GALNT18: variants seen among roughly 807,000 people sequenced by gnomAD.
GALNT18 encodes GalNAc-transferase 18.
In GALNT18, 44 loss-of-function variants were observed where a neutral mutation model predicts 69.5. The ratio of observed to expected loss-of-function variants is 0.63; its 90% CI spans 0.50 to 0.81. GALNT18 has a LOEUF of 0.81. Ranked by LOEUF, GALNT18 falls within the 40% of genes least tolerant of loss-of-function variation. The pLI is 0.00. For synonymous variants in GALNT18, 364 were observed against 318.2 expected (o/e 1.14, Z -1.53); for missense variants, 715 against 810.0 (o/e 0.88, Z 1.42).
At position 11,332,612 on chromosome 11, in the gene GALNT18, G is replaced by T. The variant is rs1850035795; in HGVS notation, c.1416+82C>A. ...AGTTCTTCATGTGAGCAGCTGAGAG[G>T]CTCTTTCCCTCCTCTCCCTTTCTTC... On this transcript the variant is annotated intron_variant, in intron 8 of 10. Transcript: ENST00000227756. The surrounding 1 kb of genome is among the most constrained non-coding windows in gnomAD (Gnocchi z 4.3). 2.6e-6 allele frequency: 4 copies of T among 1,511,030 alleles called. No homozygotes were observed. The highest frequency in any genetic ancestry group is 3.6e-6 in the Non-Finnish European group (4 of 1,095,970). The allele number at this position is 1,511,030 out of a possible 1,614,324, so 93.6% of individuals were successfully genotyped here. A position where few individuals can be genotyped will look rare whatever the true frequency, so the allele number is the denominator to read the frequency against.
intron 9 of GALNT18, among the ~76,000 whole-genome samples, chr11:11,319,972 T>C (rs1245787041): frequency 3.3e-5 from 5 of 152,148 alleles, no homozygotes; most frequent in Admixed American, 6.5e-5. Context: ...TATTTAATCC[T>C]TATAACAACT....
Position 11,271,000 on chromosome 11 carries a change from A to G in GALNT18, c.*144T>C. On this transcript the variant is annotated 3_prime_UTR_variant, in exon 11 of 11. Coordinates refer to ENST00000227756, the MANE Select transcript of GALNT18 (RefSeq NM_198516.3). The stretch of plus-strand genomic sequence containing the variant: ...CAGCATCTTTCTATAAACTCCATGA[A>G]AATTGAATAGGAAATAAAAAGCTCT... The G allele has an allele frequency of 1.6e-6, 1 of 633,086 alleles. No individual in the cohort carries two copies. Among genetic ancestry groups the G allele is most frequent in the South Asian group, 2.8e-5 (1 of 35,654 alleles). 39.2% of individuals were successfully genotyped at this position (633,086 alleles called of 1,614,324 possible).
rs1292932973 is a variant in GALNT18 at position 11,309,003 on chromosome 11, C to T, written c.1513-15810G>A. Reference sequence around the variant, plus strand: ...TCACCTTGCTGTGGTTTGACTGTGTCCCCCAAAGTTCATGTGTTGAAAACT... The same window carrying T: ...TCACCTTGCTGTGGTTTGACTGTGTTCCCCAAAGTTCATGTGTTGAAAACT... On this transcript the variant is annotated intron_variant, in intron 9 of 10. Transcript: ENST00000227756. The surrounding 1 kb of genome is among the most constrained non-coding windows in gnomAD (Gnocchi z 4.6). 6.6e-6 allele frequency among the ~76,000 whole-genome samples: 1 copy of T among 152,154 alleles called. No individual in the cohort carries two copies. Among genetic ancestry groups the T allele is most frequent in the East Asian group, 1.9e-4 (1 of 5,188 alleles).
At chr11:11,611,199 T>C (rs12269844) in intron 1 of GALNT18, among the ~76,000 whole-genome samples, 17,332 of 152,264 alleles carry the variant, frequency 0.11, 1,301 homozygotes, top group African/African-American at 0.22. Flanking sequence ...GTTATTAATA[T>C]GGACTCCTAC....
At chr11:11,277,287 G>GT (rs983753250) in intron 10 of GALNT18, among the ~76,000 whole-genome samples, 7 of 152,228 alleles carry the variant, frequency 4.6e-5, no homozygotes, top group African/African-American at 9.6e-5. Flanking sequence ...AGATTTTCTA[G>GT]TTTTTTTGTG....
At chr11:11,498,628 A>G (rs1299816952) in intron 1 of GALNT18, among the ~76,000 whole-genome samples, 1 of 152,300 alleles carries the variant, frequency 6.6e-6, no homozygotes, top group African/African-American at 2.4e-5. Context: ...GTGAAACCTC[A>G]TCTCTACTAA....
intron 9 of GALNT18, among the ~76,000 whole-genome samples, chr11:11,296,316 C>T (rs1461334658): frequency 6.6e-6 from 1 of 152,190 alleles, no homozygotes; most frequent in Non-Finnish European, 1.5e-5. Context: ...CCCACCATAT[C>T]CAGAAAGACT....
At chr11:11,279,878 G>A (rs972254174) in intron 10 of GALNT18, among the ~76,000 whole-genome samples, 1 of 151,736 alleles carries the variant, frequency 6.6e-6, no homozygotes, top group Non-Finnish European at 1.5e-5. Flanking sequence ...ACATGTTTCT[G>A]TATGTATCCA....
Position 11,551,085 on chromosome 11 carries a change from CAAA to C in GALNT18, c.235+70271_235+70273del, listed in dbSNP as rs36037822. ...ATAAAACTGAAACTCTATACGGTAC[CAAA>C]AAAAAAAAAAAAAAGCCCAGAAGAA... On this transcript the variant is annotated intron_variant, in intron 1 of 10. Coordinates refer to ENST00000227756, the MANE Select transcript of GALNT18 (RefSeq NM_198516.3). Among the ~76,000 whole-genome samples the C allele has an allele frequency of 5.7e-3, 667 of 117,504 alleles. 3 individuals are homozygous for C. Among genetic ancestry groups the C allele is most frequent in the South Asian group, 0.03 (107 of 3,620 alleles). 77.1% of individuals were successfully genotyped at this position (117,504 alleles called of 152,430 possible). A position where few individuals can be genotyped will look rare whatever the true frequency, so the allele number is the denominator to read the frequency against.
rs1055450599 is a variant in GALNT18, at chr11:11,340,286, T to TGAA, written c.1278+532_1278+533insTTC. 4.1e-5 allele frequency among the ~76,000 whole-genome samples: 2 copies of TGAA among 48,908 alleles called. No homozygotes were observed. Among genetic ancestry groups the TGAA allele is most frequent in the African/African-American group, 2.7e-4 (2 of 7,328 alleles). The allele number at this position is 48,908 out of a possible 152,430, so 32.1% of individuals were successfully genotyped here. ...AGGCAATGATGAGGCTCTGTGAAGG[T>TGAA]TAACTCCATCTCCTAGTGAAGGTCC... On this transcript the variant is annotated intron_variant, in intron 7 of 10. Transcript: ENST00000227756. The surrounding 1 kb of genome is among the most constrained non-coding windows in gnomAD (Gnocchi z 4.2).
chr11:11,503,216 T>C (rs1457429216), intron 1 of GALNT18, among the ~76,000 whole-genome samples: 1 of 152,120 alleles, frequency 6.6e-6, no homozygotes. Flanking sequence ...ACAGTGAGAT[T>C]TTGGAGTCAG....
At chr11:11,334,306 G>C (rs1183416111) in intron 7 of GALNT18, among the ~76,000 whole-genome samples, 2 of 152,156 alleles carry the variant, frequency 1.3e-5, no homozygotes, top group Non-Finnish European at 1.5e-5. Context: ...ACTTTGGGAG[G>C]CCAAGTCAGG....
intron 5 of GALNT18, among the ~76,000 whole-genome samples, chr11:11,375,942 C>T (rs1235297716): frequency 2.6e-5 from 4 of 152,180 alleles, no homozygotes; most frequent in Non-Finnish European, 5.9e-5. Flanking sequence ...TTTTCATACC[C>T]TTTCTCCCTA....
At chr11:11,286,600 G>C (rs79723900) in intron 10 of GALNT18, among the ~76,000 whole-genome samples, 25,212 of 152,038 alleles carry the variant, frequency 0.17, 2,460 homozygotes, top group South Asian at 0.25. Context: ...TTGCACACAG[G>C]GGGGACTTTG....
Position 11,596,016 on chromosome 11 carries a change from T to C in GALNT18, c.235+25343A>G, listed in dbSNP as rs1439023787. ...TCTTCTTCTAAGAGTTCTATGATTT[T>C]ATCTCTTATATTTAGTTCTATGATC... On this transcript the variant is annotated intron_variant, in intron 1 of 10. Transcript: ENST00000227756. This position sits in a 1 kb window ranked among gnomAD's most constrained non-coding sequence, Gnocchi z 4.2. Among the ~76,000 whole-genome samples the C allele has an allele frequency of 6.6e-6, 1 of 152,232 alleles. No individual in the cohort carries two copies. The highest frequency in any genetic ancestry group is 2.4e-5 in the African/African-American group (1 of 41,474).
chr11:11,615,947 A>G (rs559706046), intron 1 of GALNT18, among the ~76,000 whole-genome samples: 1 of 152,232 alleles, frequency 6.6e-6, no homozygotes, highest in East Asian at 1.9e-4. Context: ...GTATCAAAAA[A>G]ATTTGTAAAA....
intron 3 of GALNT18, among the ~76,000 whole-genome samples, chr11:11,419,078 G>A (rs1854931835): frequency 6.6e-6 from 1 of 152,146 alleles, no homozygotes; most frequent in African/African-American, 2.4e-5. Context: ...ACCGGCGATG[G>A]AAAACACAAA....
chr11:11,292,979 C>T, intron 10 of GALNT18, 50 bp downstream of exon 10: 4 of 1,337,400 alleles, frequency 3.0e-6, no homozygotes, highest in Non-Finnish European at 3.9e-6. Context: ...AGGCCACTCT[C>T]CTGGTTTTCC....
At chr11:11,534,331 A>G (rs1207580331) in intron 1 of GALNT18, among the ~76,000 whole-genome samples, 1 of 152,240 alleles carries the variant, frequency 6.6e-6, no homozygotes, top group African/African-American at 2.4e-5. Flanking sequence ...AGGAGGAAGT[A>G]TTAGCCCATG....
Sources: allele counts gnomAD v4.1 joint callset (sites outside exome capture counted in the v4.1 genomes callset), GRCh38; gene constraint gnomAD v4.1.1; non-coding constraint Gnocchi (gnomAD v3.1); transcripts MANE v1.5; gene names NCBI Gene and HGNC (gene_info 2026-07-23, HGNC 2026-07-21).